The following SIPA1L2 variants were observed in gnomAD, a reference collection of about 807,000 sequenced individuals.
The protein encoded by SIPA1L2 is signal induced proliferation associated 1 like 2.
In SIPA1L2, 56 loss-of-function variants were observed where a neutral mutation model predicts 163.9. The observed-to-expected ratio is 0.34, with a 90% confidence interval of 0.28 to 0.43. SIPA1L2 has a LOEUF of 0.43. SIPA1L2 is among the 20% of genes least tolerant of loss of function. SIPA1L2 has a pLI of 1.00. For synonymous variants in SIPA1L2, 877 were observed against 865.7 expected (o/e 1.01, Z -0.23); for missense variants, 1,974 against 2,193.5 (o/e 0.90, Z 2.00).
intron 2 of SIPA1L2, among the ~76,000 whole-genome samples, chr1:232,526,323 TC>T (rs992100409): frequency 2.3e-5 from 3 of 131,550 alleles, no homozygotes; most frequent in African/African-American, 8.5e-5. Flanking sequence ...TCTCATGGGA[TC>T]CCCTAACCCA....
chr1:232,544,245 T>C (rs994767316), intron 2 of SIPA1L2, among the ~76,000 whole-genome samples: 24 of 152,200 alleles, frequency 1.6e-4, no homozygotes, highest in Non-Finnish European at 1.5e-5. Flanking sequence ...CACGATTTAA[T>C]GGCTATAATG....
intron 18 of SIPA1L2, chr1:232,415,851 C>T (rs1403038358): frequency 1.5e-5 from 6 of 411,138 alleles, no homozygotes; most frequent in African/African-American, 3.8e-5. Context: ...AGTCAGAACA[C>T]GGGCACCACT....
Position 232,471,423 on chromosome 1 carries a change from C to T in SIPA1L2, c.2191G>A (p.Val731Ile). 2 of 1,614,076 alleles carry T rather than the reference C, an allele frequency of 1.2e-6. No homozygotes were observed. Among genetic ancestry groups the T allele is most frequent in the Non-Finnish European group, 1.7e-6 (2 of 1,179,966 alleles). Residue 731 changes from valine (V) to isoleucine (I), a missense_variant, in exon 8 of 23, where the codon GTC (valine) becomes ATC (isoleucine). This residue lies in a region of SIPA1L2 where 288 missense variants were observed against 418.9 expected (regional missense o/e 0.69). Transcript: ENST00000674635. Reference protein sequence around the residue: ...PKSIRSHFQHVFVIVKVHNPC... With the variant: ...PKSIRSHFQHIFVIVKVHNPC... ...TTATGCACTTTGACTATGACAAAGA[C>T]ATGCTGAAAGTGAGACCGGATGCTT...
chr1:232,525,420 T>C (rs112058575), intron 2 of SIPA1L2, among the ~76,000 whole-genome samples: 59 of 134,260 alleles, frequency 4.4e-4, no homozygotes, highest in African/African-American at 1.5e-3. Flanking sequence ...TTTTTTTTTT[T>C]TTTTTTTGTA....
At chr1:232,566,015 C>A (rs1279852924) in intron 2 of SIPA1L2, among the ~76,000 whole-genome samples, 1 of 152,220 alleles carries the variant, frequency 6.6e-6, no homozygotes, top group Non-Finnish European at 1.5e-5. Context: ...GTTGCCCTTA[C>A]ACTGAAGTTC....
intron 16 of SIPA1L2, 66 bp downstream of exon 16, chr1:232,432,181 T>A: frequency 3.9e-6 from 5 of 1,293,004 alleles, no homozygotes; most frequent in Non-Finnish European, 5.4e-6. Flanking sequence ...GGGAGGAAAA[T>A]ACATTTGCTT....
intron 1 of SIPA1L2, among the ~76,000 whole-genome samples, chr1:232,587,531 T>C (rs139259226): frequency 2.0e-5 from 3 of 152,270 alleles, no homozygotes; most frequent in African/African-American, 7.2e-5. Flanking sequence ...ATTTGCCTTT[T>C]TGTACAGCAT....
In SIPA1L2 at chr1:232,606,893, A is replaced by G. The variant is rs1390698661; in HGVS notation, c.-319+22976T>C. Among the ~76,000 whole-genome samples the G allele has an allele frequency of 2.0e-5, 3 of 152,094 alleles. No individual in the cohort carries two copies. The East Asian group carries it at 5.8e-4, about 29-fold the overall frequency. ...TACCAAAAACATATCTATTACATCT[A>G]TATCTAATAAACATTTGCTAATTAC... On this transcript the variant is annotated intron_variant, in intron 1 of 22. Coordinates refer to ENST00000674635, the MANE Select transcript of SIPA1L2 (RefSeq NM_020808.5).
At chr1:232,403,707 C>CA (rs1260628915) in intron 20 of SIPA1L2, 136 bp from the exon 21 acceptor site, 2 of 1,164,432 alleles carry the variant, frequency 1.7e-6, no homozygotes, top group African/African-American at 3.1e-5. Flanking sequence ...TGGAGCAAAA[C>CA]AAAGAAAAAC....
chr1:232,406,414 C>A (rs1345826534), intron 19 of SIPA1L2, among the ~76,000 whole-genome samples: 2 of 152,192 alleles, frequency 1.3e-5, no homozygotes, highest in African/African-American at 4.8e-5. Context: ...TTAAAATAAT[C>A]TTTTAAAAAA....
Position 232,483,887 on chromosome 1 carries a change from G to C in SIPA1L2, c.1886C>G (p.Thr629Arg). 1 of 1,613,986 alleles carries C rather than the reference G, an allele frequency of 6.2e-7. No homozygotes were observed. The highest frequency in any genetic ancestry group is 8.5e-7 in the Non-Finnish European group (1 of 1,179,930). Reference protein sequence around the residue: ...STEEEMYNNETAGPAFEEFLD... With the variant: ...STEEEMYNNERAGPAFEEFLD... ...GAATTCTTCAAAAGCTGGTCCCGCCGTCTCATTGTTATACATCTCTTCCTC... is the reference window on the plus strand; with the variant it reads ...GAATTCTTCAAAAGCTGGTCCCGCCCTCTCATTGTTATACATCTCTTCCTC... Residue 629 changes from threonine to arginine, a missense_variant, in exon 6 of 23, where the codon ACG becomes AGG. Physicochemically the swap from Thr to Arg is moderately conservative, Grantham distance 71. This residue lies in a region of SIPA1L2 where 288 missense variants were observed against 418.9 expected (regional missense o/e 0.69). Coordinates refer to ENST00000674635, the MANE Select transcript of SIPA1L2 (RefSeq NM_020808.5).
At chr1:232,434,232 A>G (rs1461287780) in intron 15 of SIPA1L2, among the ~76,000 whole-genome samples, 2 of 152,248 alleles carry the variant, frequency 1.3e-5, no homozygotes, top group African/African-American at 2.4e-5. Context: ...CGAATAAAGT[A>G]TAAAAATAAG....
At chr1:232,484,038 T>A in intron 5 of SIPA1L2, 72 bp from the exon 6 acceptor site, 1 of 1,409,054 alleles carries the variant, frequency 7.1e-7, no homozygotes, top group Non-Finnish European at 9.7e-7. Context: ...AAATTAAAAC[T>A]ACAGAAGCTG....
Position 232,432,525 on chromosome 1 carries a change from G to C in SIPA1L2, c.4032-54C>G, listed in dbSNP as rs1662308785. 2.0e-6 allele frequency: 3 copies of C among 1,533,522 alleles called. No homozygotes were observed. In the South Asian group the frequency reaches 3.4e-5, roughly 17 times the overall value. 95.0% of individuals were successfully genotyped at this position (1,533,522 alleles called of 1,614,324 possible). On this transcript the variant is annotated intron_variant, in intron 15 of 22. Coordinates refer to ENST00000674635, the MANE Select transcript of SIPA1L2 (RefSeq NM_020808.5). Reference sequence around the variant, plus strand: ...ATACAATCTGATTTCAGCAGTGCTGGCACACGGCCAAATTCAGAGCCACAA... The same window carrying C: ...ATACAATCTGATTTCAGCAGTGCTGCCACACGGCCAAATTCAGAGCCACAA...
chr1:232,493,029 T>C (rs922246597), intron 4 of SIPA1L2, among the ~76,000 whole-genome samples: 6 of 145,462 alleles, frequency 4.1e-5, no homozygotes, highest in East Asian at 2.0e-4. Context: ...GTAGGGGTGA[T>C]TGGATCACAG....
chr1:232,434,518 C>T (rs149158202), intron 15 of SIPA1L2, among the ~76,000 whole-genome samples: 223 of 152,140 alleles, frequency 1.5e-3, no homozygotes, highest in Admixed American at 3.5e-3. Context: ...GACATCCACA[C>T]ACATGGAACA....
intron 19 of SIPA1L2, among the ~76,000 whole-genome samples, chr1:232,413,562 T>C (rs1401142330): frequency 6.6e-6 from 1 of 152,156 alleles, no homozygotes; most frequent in East Asian, 1.9e-4. Flanking sequence ...CAAAAGGATA[T>C]AAGAGGTTGA....
chr1:232,471,289 T>A, intron 8 of SIPA1L2, 82 bp downstream of exon 8: 1 of 1,423,188 alleles, frequency 7.0e-7, no homozygotes, highest in Admixed American at 2.3e-5. Flanking sequence ...AAATAATAAT[T>A]GGCAAACAAA....
chr1:232,426,643 G>A (rs1661923469), intron 17 of SIPA1L2, among the ~76,000 whole-genome samples: 1 of 152,038 alleles, frequency 6.6e-6, no homozygotes, highest in Non-Finnish European at 1.5e-5. Flanking sequence ...CTGGGCAACA[G>A]AGCAAGACTC....
Sources: allele counts gnomAD v4.1 joint callset (sites outside exome capture counted in the v4.1 genomes callset), GRCh38; gene constraint gnomAD v4.1.1; regional missense constraint gnomAD v4.1.1; transcripts MANE v1.5; gene names NCBI Gene and HGNC (gene_info 2026-07-23, HGNC 2026-07-21).